Variants in EIF2B3 observed in about 807,000 individuals in gnomAD.
EIF2B3 encodes translation initiation factor eIF2B subunit gamma.
Under a neutral mutation model 54.1 loss-of-function variants are expected in EIF2B3, and 20 were observed. That is an observed-to-expected ratio of 0.37 (90% CI 0.26 to 0.54). The LOEUF is 0.54. EIF2B3 is among the 20% of genes least tolerant of loss of function. The probability of loss-of-function intolerance (pLI) is 0.86; values close to 1 mark genes in which losing one functional copy is unlikely to be tolerated. For missense variants in EIF2B3, 448 were observed against 547.8 expected (o/e 0.82, Z 1.82); for synonymous variants, 153 against 188.1 (o/e 0.81, Z 1.52).
intron 5 of EIF2B3, among the ~76,000 whole-genome samples, chr1:44,911,542 T>A (rs1284640569): frequency 1.3e-5 from 2 of 152,196 alleles, no homozygotes; most frequent in Non-Finnish European, 2.9e-5. Context: ...GCTCTCATTG[T>A]CAAATGTAAT....
At chr1:44,983,679 C>A (rs765176701) in intron 1 of EIF2B3, among the ~76,000 whole-genome samples, 2 of 151,394 alleles carry the variant, frequency 1.3e-5, no homozygotes, top group Non-Finnish European at 2.9e-5. Context: ...CAAGAGCAGC[C>A]TGGCCAACTT....
At chr1:44,937,764 G>A (rs1643965412) in intron 4 of EIF2B3, among the ~76,000 whole-genome samples, 1 of 151,742 alleles carries the variant, frequency 6.6e-6, no homozygotes, top group South Asian at 2.1e-4. Context: ...GGCGCCTGTG[G>A]TCCCAGCTAC....
At position 44,881,655 on chromosome 1, in the gene EIF2B3, T is replaced by G; in HGVS notation, c.741A>C (p.Glu247Asp). The G allele has an allele frequency of 6.2e-7, 1 of 1,614,222 alleles. No homozygotes were observed. Among genetic ancestry groups the G allele is most frequent in the South Asian group, 1.1e-5 (1 of 91,090 alleles). ...TTTTCTTTAGATCCTCCTCTTTTTC[T>G]TCTTGTCCCTGTTGTGAGGAAGCTG... The part of the protein sequence containing the change: ...FSSASSQQGQ[E>D]EKEEDLKKKE... The change falls in exon 7 of 12, where the codon GAA (glutamate) becomes GAC (aspartate). Residue 247 changes from glutamate (E) to aspartate (D), a missense_variant. Coordinates refer to ENST00000360403, the MANE Select transcript of EIF2B3 (RefSeq NM_020365.5). The surrounding 1 kb of genome is among the most constrained non-coding windows in gnomAD (Gnocchi z 4.0).
intron 5 of EIF2B3, among the ~76,000 whole-genome samples, chr1:44,901,470 C>T (rs762015539): frequency 2.2e-4 from 33 of 151,552 alleles, no homozygotes; most frequent in Non-Finnish European, 2.7e-4. Flanking sequence ...AGGCTCTTCT[C>T]AAACTCCTGG....
intron 5 of EIF2B3, among the ~76,000 whole-genome samples, chr1:44,912,474 G>A (rs1643535864): frequency 6.6e-6 from 1 of 151,754 alleles, no homozygotes; most frequent in Non-Finnish European, 1.5e-5. Flanking sequence ...GGTATTCAAG[G>A]CTCTCTATTT....
chr1:44,941,736 A>G (rs1220998141), intron 3 of EIF2B3, 71 bp from the exon 4 acceptor site: 1 of 1,572,474 alleles, frequency 6.4e-7, no homozygotes, highest in Non-Finnish European at 8.7e-7. Context: ...ACAAGACAAA[A>G]TTAGGATGGC....
rs574194554 is a variant in EIF2B3 at position 44,957,714 on chromosome 1, T to C, written c.295-16049A>G. 1.8e-4 allele frequency among the ~76,000 whole-genome samples: 28 copies of C among 152,244 alleles called. No individual in the cohort carries two copies. In the South Asian group the frequency reaches 4.8e-3, roughly 26 times the overall value. ...AGGTGAAGGCTGCAGTGAGCTGAGA[T>C]TGCGCCATTGCATTCCAGCCTGGAT... is the stretch of plus-strand genomic sequence containing the variant. On this transcript the variant is annotated intron_variant, in intron 3 of 11. Transcript: ENST00000360403.
At chr1:44,982,035 A>C (rs1170946361) in intron 1 of EIF2B3, among the ~76,000 whole-genome samples, 1 of 152,108 alleles carries the variant, frequency 6.6e-6, no homozygotes, top group Non-Finnish European at 1.5e-5. Context: ...TAGGCTTCTG[A>C]AAAGTATGAA....
At chr1:44,895,130 A>G (rs975056258) in intron 6 of EIF2B3, among the ~76,000 whole-genome samples, 6 of 152,340 alleles carry the variant, frequency 3.9e-5, no homozygotes, top group South Asian at 2.1e-4. Context: ...GGAAAGAGAT[A>G]AGGGTCTCCT....
At chr1:44,900,571 C>T (rs1481006113) in intron 5 of EIF2B3, among the ~76,000 whole-genome samples, 1 of 151,410 alleles carries the variant, frequency 6.6e-6, no homozygotes, top group Non-Finnish European at 1.5e-5. Context: ...GTGATGGGTT[C>T]AATCGCACCC....
chr1:44,887,470 A>G (rs1655629748), intron 6 of EIF2B3, among the ~76,000 whole-genome samples: 1 of 152,222 alleles, frequency 6.6e-6, no homozygotes, highest in Non-Finnish European at 1.5e-5. Context: ...AATTCCTTCC[A>G]GCTTATACAT....
chr1:44,979,780 A>C (rs1360516395), intron 2 of EIF2B3, among the ~76,000 whole-genome samples: 2 of 151,892 alleles, frequency 1.3e-5, no homozygotes, highest in African/African-American at 4.8e-5. Flanking sequence ...CCTGGACAAC[A>C]TGGCGAAACC....
chr1:44,905,701 T>TA (rs1464698311), intron 5 of EIF2B3, among the ~76,000 whole-genome samples: 2 of 152,194 alleles, frequency 1.3e-5, no homozygotes, highest in Non-Finnish European at 2.9e-5. Context: ...TTAGCCAAGA[T>TA]AATCTCTCTT....
At chr1:44,865,266 T>C (rs999689786) in intron 10 of EIF2B3, among the ~76,000 whole-genome samples, 2 of 152,038 alleles carry the variant, frequency 1.3e-5, no homozygotes, top group Admixed American at 6.6e-5. Flanking sequence ...CTCCCTTCTA[T>C]GTGGCCTGAT....
chr1:44,910,646 TTTTTTTTTTTTA>T (rs945831166), intron 5 of EIF2B3, among the ~76,000 whole-genome samples: 4 of 121,430 alleles, frequency 3.3e-5, no homozygotes, highest in African/African-American at 1.1e-4. Flanking sequence ...TTTTTTTTTT[TTTTTTTTTTTTA>T]AAAGAGAGAA....
intron 5 of EIF2B3, among the ~76,000 whole-genome samples, chr1:44,905,213 A>G (rs1008776409): frequency 1.3e-5 from 2 of 152,236 alleles, no homozygotes; most frequent in Non-Finnish European, 2.9e-5. Flanking sequence ...ATGACACCAT[A>G]GCCCTGAGGT....
intron 6 of EIF2B3, among the ~76,000 whole-genome samples, chr1:44,892,714 G>T (rs970699725): frequency 1.3e-5 from 2 of 152,156 alleles, no homozygotes; most frequent in African/African-American, 4.8e-5. Context: ...GAAGTTCAAA[G>T]GAGACTACCT....
Position 44,850,830 on chromosome 1 carries a change from G to A in EIF2B3, c.*121C>T. The A allele has an allele frequency of 9.0e-7, 1 of 1,115,310 alleles. No individual in the cohort carries two copies. The highest frequency in any genetic ancestry group is 1.4e-6 in the Non-Finnish European group (1 of 732,622). 69.1% of individuals were successfully genotyped at this position (1,115,310 alleles called of 1,614,324 possible). Reference sequence around the variant, plus strand: ...CATGGAGCTTTGGACTGCTCCACAAGTCTCCAGCATGCCTTTGGAAGCCCT... The same window carrying A: ...CATGGAGCTTTGGACTGCTCCACAAATCTCCAGCATGCCTTTGGAAGCCCT... On this transcript the variant is annotated 3_prime_UTR_variant, in exon 12 of 12. Coordinates refer to ENST00000360403, the MANE Select transcript of EIF2B3 (RefSeq NM_020365.5).
intron 6 of EIF2B3, among the ~76,000 whole-genome samples, chr1:44,896,443 A>G (rs1655974457): frequency 6.6e-6 from 1 of 152,194 alleles, no homozygotes; most frequent in Non-Finnish European, 1.5e-5. Context: ...CTTCCTCTTA[A>G]TATTCCGATA....
Sources: gnomAD v4.1 joint callset for allele counts (sites outside exome capture counted in the v4.1 genomes callset) on GRCh38, gnomAD v4.1.1 for gene constraint, Gnocchi (gnomAD v3.1) non-coding constraint, MANE v1.5 for transcripts, NCBI Gene and HGNC (gene_info 2026-07-23, HGNC 2026-07-21) for gene names.